The following KLF12 variants were observed in gnomAD, a reference collection of about 807,000 sequenced individuals.
KLF12 encodes KLF transcription factor 12, also known as Krueppel-like factor 12.
In KLF12, 9 loss-of-function variants were observed where a neutral mutation model predicts 37.8. That is an observed-to-expected ratio of 0.24 (90% CI 0.14 to 0.42). The LOEUF (loss-of-function observed/expected upper bound fraction) is 0.42, where lower values mean the gene tolerates loss of function less well. Ranked by LOEUF, KLF12 falls within the 10% of genes least tolerant of loss-of-function variation. The probability of loss-of-function intolerance (pLI) is 1.00; values close to 1 mark genes in which losing one functional copy is unlikely to be tolerated. For synonymous variants in KLF12, 208 were observed against 202.1 expected (o/e 1.03, Z -0.25); for missense variants, 411 against 516.0 (o/e 0.80, Z 1.97).
the KLF12 span, among the ~76,000 whole-genome samples, chr13:74,213,790 T>C: frequency 6.6e-6 from 1 of 152,194 alleles, no homozygotes; most frequent in East Asian, 1.9e-4. Context: ...CCAAATATCC[T>C]AGTCCTGTGT....
chr13:73,743,155 A>G (rs967412340), intron 6 of KLF12, among the ~76,000 whole-genome samples: 6 of 152,224 alleles, frequency 3.9e-5, no homozygotes, highest in African/African-American at 1.2e-4. Context: ...AGCATGTAAC[A>G]TATCAGATGG....
At chr13:73,698,187 A>G (rs1464107662) in intron 7 of KLF12, among the ~76,000 whole-genome samples, 1 of 148,588 alleles carries the variant, frequency 6.7e-6, no homozygotes, top group Non-Finnish European at 1.5e-5. Flanking sequence ...AGAGAGAGGA[A>G]AGGGGGAGGG....
intron 4 of KLF12, among the ~76,000 whole-genome samples, chr13:73,841,505 G>A (rs959807103): frequency 6.6e-6 from 1 of 152,078 alleles, no homozygotes; most frequent in Non-Finnish European, 1.5e-5. Flanking sequence ...CCACAGCTGC[G>A]GGTTGGGCAA....
At chr13:74,256,708 G>C in the KLF12 span, among the ~76,000 whole-genome samples, 2,557 of 138,112 alleles carry the variant, frequency 0.019, 68 homozygotes, top group African/African-American at 0.07. Flanking sequence ...GTGTGTGTGT[G>C]TGTGTGTGTG....
intron 1 of KLF12, among the ~76,000 whole-genome samples, chr13:74,072,401 AT>A (rs1566198864): frequency 9.0e-5 from 12 of 133,220 alleles, no homozygotes; most frequent in East Asian, 4.7e-4. Context: ...ATATATATAT[AT>A]ATATAAAAGA....
intron 2 of KLF12, among the ~76,000 whole-genome samples, chr13:73,978,391 A>G (rs1593801332): frequency 6.6e-6 from 1 of 152,224 alleles, no homozygotes; most frequent in South Asian, 2.1e-4. Flanking sequence ...AGGGAAATGC[A>G]AATTAAAGCA....
At chr13:74,287,858 T>C in the KLF12 span, among the ~76,000 whole-genome samples, 2 of 152,212 alleles carry the variant, frequency 1.3e-5, no homozygotes, top group African/African-American at 4.8e-5. Context: ...TGATCAAGCA[T>C]GGCTTTGTTT....
intron 1 of KLF12, among the ~76,000 whole-genome samples, chr13:74,065,981 G>C (rs878893940): frequency 2.0e-5 from 3 of 152,086 alleles, no homozygotes; most frequent in Admixed American, 2.0e-4. Flanking sequence ...GTACATAGAA[G>C]ACATTCCTGG....
At chr13:73,835,864 A>G (rs1231364591) in intron 4 of KLF12, among the ~76,000 whole-genome samples, 1 of 152,122 alleles carries the variant, frequency 6.6e-6, no homozygotes, top group Non-Finnish European at 1.5e-5. Flanking sequence ...GAGCTACTAA[A>G]CTGATATCCA....
rs544190484 is a variant in KLF12, at chr13:74,088,792, C to T, written c.-32+44947G>A. 3.3e-5 allele frequency among the ~76,000 whole-genome samples: 5 copies of T among 152,246 alleles called. No homozygotes were observed. The East Asian group carries it at 5.8e-4, about 18-fold the overall frequency. On this transcript the variant is annotated intron_variant, in intron 1 of 7. Coordinates refer to ENST00000377669, the MANE Select transcript of KLF12 (RefSeq NM_007249.5). ...TTAACTCTACACCTTTTTTACAGGG[C>T]TTTCATGATGACCAGATAGGGTCTT...
chr13:74,091,760 G>A (rs1875676755), intron 1 of KLF12, among the ~76,000 whole-genome samples: 1 of 152,060 alleles, frequency 6.6e-6, no homozygotes. Flanking sequence ...TTGTGAATTT[G>A]TCTAAAAGCT....
In KLF12 at chr13:73,689,203, T is replaced by C. The variant is rs1229075746; in HGVS notation, c.*6287A>G. 2.0e-5 allele frequency: 3 copies of C among 152,164 alleles called. No individual in the cohort carries two copies. The highest frequency in any genetic ancestry group is 2.9e-5 in the Non-Finnish European group (2 of 68,022). 9.4% of individuals were successfully genotyped at this position (152,164 alleles called of 1,614,324 possible). ...GATTAAGGAACCCAGCAGCTTTCCTTTGACACTTAATTGGTTATTTTACCC... is the reference window on the plus strand; with the variant it reads ...GATTAAGGAACCCAGCAGCTTTCCTCTGACACTTAATTGGTTATTTTACCC... On this transcript the variant is annotated 3_prime_UTR_variant, in exon 8 of 8. Transcript: ENST00000377669.
intron 1 of KLF12, among the ~76,000 whole-genome samples, chr13:74,005,117 T>C (rs371517871): frequency 6.6e-6 from 1 of 152,150 alleles, no homozygotes; most frequent in Non-Finnish European, 1.5e-5. Context: ...TTATGCATAG[T>C]TTTGGCAAAA....
intron 5 of KLF12, 41 bp downstream of exon 5, chr13:73,813,111 C>A (rs772955841): frequency 6.2e-7 from 1 of 1,606,608 alleles, no homozygotes; most frequent in Non-Finnish European, 8.5e-7. Flanking sequence ...CCATTGAACA[C>A]CTTGGCAATT....
chr13:73,710,247 C>A (rs1779734163), intron 7 of KLF12, among the ~76,000 whole-genome samples: 1 of 152,122 alleles, frequency 6.6e-6, no homozygotes, highest in Admixed American at 6.6e-5. Flanking sequence ...AGACAAGATA[C>A]AGTTGTTAGC....
At chr13:74,279,473 A>G in the KLF12 span, among the ~76,000 whole-genome samples, 3 of 151,960 alleles carry the variant, frequency 2.0e-5, no homozygotes, top group Non-Finnish European at 4.4e-5. Context: ...CTGCACAACA[A>G]TTTAGTATCT....
chr13:74,239,094 CT>C, the KLF12 span, among the ~76,000 whole-genome samples: 4 of 144,422 alleles, frequency 2.8e-5, no homozygotes, highest in South Asian at 9.7e-4. Context: ...ATAAATTTCC[CT>C]CTACACACTG....
At chr13:73,979,768 G>C (rs1249489678) in intron 2 of KLF12, among the ~76,000 whole-genome samples, 1 of 152,122 alleles carries the variant, frequency 6.6e-6, no homozygotes, top group Non-Finnish European at 1.5e-5. Context: ...TGTCCCTTCA[G>C]AAATTCATAT....
intron 1 of KLF12, among the ~76,000 whole-genome samples, chr13:74,111,840 G>C (rs1161228275): frequency 6.6e-6 from 1 of 152,110 alleles, no homozygotes; most frequent in Non-Finnish European, 1.5e-5. Flanking sequence ...TGAAAGATAT[G>C]TTTTTAAAAG....
Sources: allele counts gnomAD v4.1 joint callset (sites outside exome capture counted in the v4.1 genomes callset), GRCh38; gene constraint gnomAD v4.1.1; transcripts MANE v1.5; gene names NCBI Gene and HGNC (gene_info 2026-07-23, HGNC 2026-07-21).